DIP2B: variants seen among roughly 807,000 people sequenced by gnomAD.
The protein encoded by DIP2B is disco-interacting protein 2 homolog B.
A neutral mutation model predicts 198.0 loss-of-function variants in DIP2B; 76 were observed. The observed-to-expected ratio is 0.38, with a 90% confidence interval of 0.32 to 0.46. The LOEUF (loss-of-function observed/expected upper bound fraction) is 0.46, where lower values mean the gene tolerates loss of function less well. Ranked by LOEUF, DIP2B falls within the 20% of genes least tolerant of loss-of-function variation. DIP2B has a pLI of 0.99. For missense variants in DIP2B, 1,559 were observed against 1,978.4 expected, an observed-to-expected ratio of 0.79 and a Z score of 4.02; for synonymous variants, 701 against 739.1, an observed-to-expected ratio of 0.95 and a Z score of 0.84.
chr12:50,706,740 G>T lies in DIP2B; in HGVS notation c.2534+75G>T, dbSNP rs570500610. ...ACATCTTCACATGGTGATTTCAGTG[G>T]TATTTTGTAGGTTCTCTTTCCAAGT... On this transcript the variant is annotated intron_variant, in intron 21 of 37. Coordinates refer to ENST00000301180, the MANE Select transcript of DIP2B (RefSeq NM_173602.3). The T allele has an allele frequency of 3.3e-6, 5 of 1,527,306 alleles. No individual in the cohort carries two copies. The Admixed American group carries it at 7.1e-5, about 22-fold the overall frequency. The allele number at this position is 1,527,306 out of a possible 1,614,324, so 94.6% of individuals were successfully genotyped here.
chr12:50,570,366 C>T (rs992756173), intron 1 of DIP2B, among the ~76,000 whole-genome samples: 2 of 152,120 alleles, frequency 1.3e-5, no homozygotes, highest in African/African-American at 4.8e-5. Context: ...CTACTAAGTG[C>T]GAACATTGTT....
intron 1 of DIP2B, among the ~76,000 whole-genome samples, chr12:50,621,661 G>A (rs977159235): frequency 6.6e-6 from 1 of 152,180 alleles, no homozygotes; most frequent in East Asian, 1.9e-4. Context: ...GGTGCTAAGT[G>A]CTATCACAGA....
At chr12:50,595,738 C>G (rs1938589812) in intron 1 of DIP2B, among the ~76,000 whole-genome samples, 1 of 152,194 alleles carries the variant, frequency 6.6e-6, no homozygotes, top group African/African-American at 2.4e-5. Flanking sequence ...AGCAACAAGT[C>G]TGTGTATTGA....
intron 1 of DIP2B, among the ~76,000 whole-genome samples, chr12:50,616,693 T>C (rs1937706381): frequency 6.6e-6 from 1 of 152,202 alleles, no homozygotes; most frequent in African/African-American, 2.4e-5. Context: ...TTTGTATGAC[T>C]GTGAGCTTCA....
chr12:50,643,705 C>T (rs559242234), intron 3 of DIP2B, among the ~76,000 whole-genome samples: 8 of 152,030 alleles, frequency 5.3e-5, no homozygotes, highest in East Asian at 1.9e-4. Context: ...CTGGCTTCTC[C>T]GAATAAGAAG....
chr12:50,589,836 GA>G, intron 1 of DIP2B, among the ~76,000 whole-genome samples: 1 of 152,190 alleles, frequency 6.6e-6, no homozygotes, highest in Non-Finnish European at 1.5e-5. Context: ...GAGAGGTTAA[GA>G]GAAGACATTT....
chr12:50,555,136 C>G (rs893732457), intron 1 of DIP2B, among the ~76,000 whole-genome samples: 1 of 152,132 alleles, frequency 6.6e-6, no homozygotes, highest in African/African-American at 2.4e-5. Context: ...CTAGTGTCCC[C>G]CATTCTAGAG....
intron 2 of DIP2B, among the ~76,000 whole-genome samples, chr12:50,626,304 C>T (rs967014320): frequency 1.3e-5 from 2 of 152,146 alleles, no homozygotes; most frequent in African/African-American, 4.8e-5. Flanking sequence ...CTATGCATAA[C>T]TGAGATGATT....
At chr12:50,654,276 A>G (rs1016530140) in intron 3 of DIP2B, among the ~76,000 whole-genome samples, 8 of 151,968 alleles carry the variant, frequency 5.3e-5, no homozygotes, top group African/African-American at 1.9e-4. Context: ...TTAAAAACCC[A>G]TCTTTTGCAT....
intron 8 of DIP2B, chr12:50,680,259 T>C (rs375391120): frequency 9.4e-6 from 1 of 106,206 alleles, no homozygotes. Flanking sequence ...GACTCTGTCT[T>C]AAAAAAAAAA....
At chr12:50,644,933 T>G (rs1220394966) in intron 3 of DIP2B, among the ~76,000 whole-genome samples, 1 of 152,226 alleles carries the variant, frequency 6.6e-6, no homozygotes, top group Non-Finnish European at 1.5e-5. Context: ...TGCTGTTGTC[T>G]GTTACTTTCT....
chr12:50,702,601 T>G (rs1468065025), intron 19 of DIP2B, among the ~76,000 whole-genome samples: 1 of 151,698 alleles, frequency 6.6e-6, no homozygotes, highest in African/African-American at 2.4e-5. Context: ...TTCACACCTG[T>G]AGTCCCAGCT....
At chr12:50,714,122 A>T (rs1430283332) in intron 22 of DIP2B, among the ~76,000 whole-genome samples, 2 of 152,176 alleles carry the variant, frequency 1.3e-5, no homozygotes, top group Non-Finnish European at 2.9e-5. Context: ...TTAAAAAGAG[A>T]ACATACTGAG....
chr12:50,744,112 C>G (rs919716750), intron 37 of DIP2B, among the ~76,000 whole-genome samples: 12 of 152,180 alleles, frequency 7.9e-5, no homozygotes, highest in Non-Finnish European at 5.9e-5. Context: ...AATTATTCTC[C>G]TCCCTCAGCC....
chr12:50,666,568 G>A (rs910023801), intron 4 of DIP2B, among the ~76,000 whole-genome samples: 2 of 152,162 alleles, frequency 1.3e-5, no homozygotes, highest in Admixed American at 1.3e-4. Flanking sequence ...GCTTACTTCC[G>A]CTGGGCTGTA....
chr12:50,619,469 C>T (rs184855675), intron 1 of DIP2B, among the ~76,000 whole-genome samples: 12 of 152,212 alleles, frequency 7.9e-5, no homozygotes, highest in South Asian at 2.1e-4. Flanking sequence ...AACCAAATGT[C>T]GTCTGCTCCG....
chr12:50,648,489 G>A (rs575004423), intron 3 of DIP2B, among the ~76,000 whole-genome samples: 26 of 152,076 alleles, frequency 1.7e-4, no homozygotes, highest in African/African-American at 5.8e-4. Flanking sequence ...TCAGCCTCCC[G>A]AGTAGCTGGG....
At chr12:50,545,958 T>C (rs1958374119) in intron 1 of DIP2B, among the ~76,000 whole-genome samples, 1 of 152,168 alleles carries the variant, frequency 6.6e-6, no homozygotes, top group African/African-American at 2.4e-5. Context: ...ATTGAGGACT[T>C]GTGTATAGCA....
chr12:50,715,827 G>T (rs184495586), intron 23 of DIP2B, among the ~76,000 whole-genome samples: 28 of 152,324 alleles, frequency 1.8e-4, no homozygotes, highest in African/African-American at 6.7e-4. Flanking sequence ...AAAACTGGGG[G>T]TTCTGTTATT....
Sources: allele counts gnomAD v4.1 joint callset (sites outside exome capture counted in the v4.1 genomes callset), GRCh38; gene constraint gnomAD v4.1.1; transcripts MANE v1.5; gene names NCBI Gene and HGNC (gene_info 2026-07-23, HGNC 2026-07-21).